The following PROCR variants were observed in gnomAD, a reference collection of about 807,000 sequenced individuals.
The protein encoded by PROCR is endothelial protein C receptor.
In PROCR, 22 loss-of-function variants were observed where a neutral mutation model predicts 24.2. The observed-to-expected ratio is 0.91, with a 90% CI of 0.65 to 1.30. The LOEUF (loss-of-function observed/expected upper bound fraction) is 1.30. Ranked by LOEUF, PROCR falls within the 50% of genes most tolerant of loss-of-function variation. The probability of loss-of-function intolerance (pLI) is 0.00; values close to 1 mark genes in which losing one functional copy is unlikely to be tolerated. For missense variants in PROCR, 288 were observed against 307.7 expected (o/e 0.94, Z 0.48); for synonymous variants, 137 against 139.2 (o/e 0.98, Z 0.11).
At chr20:35,213,410 G>T (rs6088769) in intron 1 of PROCR, among the ~76,000 whole-genome samples, 1 of 151,900 alleles carries the variant, frequency 6.6e-6, no homozygotes, top group Non-Finnish European at 1.5e-5. Context: ...TTGGGTCATA[G>T]GTCTTTTTCT....
chr20:35,171,971 G>C (rs2085954615), upstream of PROCR: 4 of 661,114 alleles, frequency 6.1e-6, no homozygotes, highest in Non-Finnish European at 1.1e-5. Context: ...TAGGAAATGA[G>C]ACACAGTAGA....
Position 35,172,111 on chromosome 20 carries a change from G to A in PROCR, c.-44G>A. The stretch of plus-strand genomic sequence containing the variant: ...TAGACTGCAGCCAGCGGAGCCCGCA[G>A]CCGGCCCGAGCCAGGAACCCAGGTC... On this transcript the variant is annotated 5_prime_UTR_variant, in exon 1 of 4. Coordinates refer to ENST00000216968, the MANE Select transcript of PROCR (RefSeq NM_006404.5). 1 of 1,601,230 alleles carries A rather than the reference G, an allele frequency of 6.2e-7. No individual in the cohort carries two copies. Among genetic ancestry groups the A allele is most frequent in the Non-Finnish European group, 8.6e-7 (1 of 1,168,378 alleles).
At chr20:35,194,217 G>A (rs1271874262) in intron 1 of PROCR, among the ~76,000 whole-genome samples, 4 of 152,172 alleles carry the variant, frequency 2.6e-5, no homozygotes, top group Admixed American at 1.3e-4. Flanking sequence ...ATTTGAGACA[G>A]TGACTATAAA....
intron 1 of PROCR, among the ~76,000 whole-genome samples, chr20:35,205,473 C>G (rs1051821528): frequency 1.4e-5 from 2 of 145,908 alleles, no homozygotes; most frequent in Non-Finnish European, 3.0e-5. Flanking sequence ...ATATATTGGC[C>G]GGGCGCAGTG....
At chr20:35,190,129 A>G (rs909322528) in intron 1 of PROCR, among the ~76,000 whole-genome samples, 6 of 152,100 alleles carry the variant, frequency 3.9e-5, no homozygotes, top group African/African-American at 1.2e-4. Context: ...CACACCCAGT[A>G]AAAAGAAACC....
At chr20:35,201,518 C>A (rs894744492) in intron 1 of PROCR, among the ~76,000 whole-genome samples, 1 of 151,898 alleles carries the variant, frequency 6.6e-6, no homozygotes, top group South Asian at 2.1e-4. Flanking sequence ...TGAAACCCCA[C>A]CTCTACTAAA....
chr20:35,176,183 G>T lies in PROCR; in HGVS notation c.338G>T (p.Arg113Leu), dbSNP rs778433715. The T allele has an allele frequency of 1.9e-6, 3 of 1,611,086 alleles. No individual in the cohort carries two copies. In the South Asian group the frequency reaches 3.3e-5, roughly 18 times the overall value. Residue 113 changes from arginine (R) to leucine (L), a missense_variant, in exon 3 of 4, where the codon CGC becomes CTC. Transcript: ENST00000216968. ...ERTLAFPLTI[R>L]CFLGCELPPE... Reference sequence around the variant, plus strand: ...CTATCCACAGTTCCTCTGACCATCCGCTGCTTCCTGGGCTGTGAGCTGCCT... The same window carrying T: ...CTATCCACAGTTCCTCTGACCATCCTCTGCTTCCTGGGCTGTGAGCTGCCT...
intron 1 of PROCR, among the ~76,000 whole-genome samples, chr20:35,204,163 GTTTGAC>G (rs2060328919): frequency 6.6e-6 from 1 of 152,114 alleles, no homozygotes; most frequent in Non-Finnish European, 1.5e-5. Context: ...ATGCTCATAA[GTTTGAC>G]AACTTAGAGG....
At chr20:35,197,939 G>A (rs940734313) in intron 1 of PROCR, among the ~76,000 whole-genome samples, 1 of 151,936 alleles carries the variant, frequency 6.6e-6, no homozygotes, top group Non-Finnish European at 1.5e-5. Flanking sequence ...CAAAAGCTAG[G>A]CCTCTTACAC....
chr20:35,200,791 C>T (rs2060315482), intron 1 of PROCR, among the ~76,000 whole-genome samples: 2 of 152,124 alleles, frequency 1.3e-5, no homozygotes, highest in Non-Finnish European at 2.9e-5. Context: ...GGATTACAGG[C>T]ATGTTGCCAC....
chr20:35,209,707 TG>T (rs1276882260), intron 1 of PROCR, among the ~76,000 whole-genome samples: 1 of 152,146 alleles, frequency 6.6e-6, no homozygotes, highest in East Asian at 1.9e-4. Flanking sequence ...AAAAGAAGAC[TG>T]GTCAACCATG....
At chr20:35,197,248 G>A (rs938487410) in intron 1 of PROCR, among the ~76,000 whole-genome samples, 2 of 152,130 alleles carry the variant, frequency 1.3e-5, no homozygotes, top group African/African-American at 4.8e-5. Flanking sequence ...GTGAGCCATC[G>A]AACTTAGCCC....
intron 1 of PROCR, among the ~76,000 whole-genome samples, chr20:35,182,573 T>G (rs933315672): frequency 2.6e-5 from 4 of 152,230 alleles, no homozygotes; most frequent in African/African-American, 7.2e-5. Flanking sequence ...GATTAGGATA[T>G]GATCCTTCTC....
At chr20:35,193,927 G>A (rs1360410292) in intron 1 of PROCR, among the ~76,000 whole-genome samples, 4 of 152,158 alleles carry the variant, frequency 2.6e-5, no homozygotes, top group Non-Finnish European at 5.9e-5. Flanking sequence ...CCCTGAGGAC[G>A]CCCCAACATT....
intron 1 of PROCR, among the ~76,000 whole-genome samples, chr20:35,194,931 A>G (rs183505346): frequency 4.2e-4 from 64 of 152,346 alleles, no homozygotes; most frequent in South Asian, 2.9e-3. Flanking sequence ...TACAATCCAA[A>G]ATTACTTAAT....
intron 1 of PROCR, among the ~76,000 whole-genome samples, chr20:35,214,677 A>G (rs903414317): frequency 1.3e-5 from 2 of 148,978 alleles, no homozygotes; most frequent in African/African-American, 5.0e-5. Context: ...CGACAGAGCG[A>G]AACTCCATCT....
chr20:35,213,484 G>C (rs1207111797), intron 1 of PROCR, among the ~76,000 whole-genome samples: 1 of 152,150 alleles, frequency 6.6e-6, no homozygotes, highest in African/African-American at 2.4e-5. Context: ...CTAGTTTATA[G>C]TTTGTTGCTT....
chr20:35,214,764 G>A (rs1385010832), intron 1 of PROCR, among the ~76,000 whole-genome samples: 2 of 151,968 alleles, frequency 1.3e-5, no homozygotes, highest in Non-Finnish European at 2.9e-5. Context: ...GCTTTTAAGG[G>A]AGAAACCTGA....
chr20:35,196,944 T>C (rs1290241581), intron 1 of PROCR, among the ~76,000 whole-genome samples: 1 of 152,102 alleles, frequency 6.6e-6, no homozygotes, highest in Non-Finnish European at 1.5e-5. Flanking sequence ...AGGGGGAAGG[T>C]AAAGGGACCC....
Sources: allele counts gnomAD v4.1 joint callset (sites outside exome capture counted in the v4.1 genomes callset), GRCh38; gene constraint gnomAD v4.1.1; transcripts MANE v1.5; gene names NCBI Gene and HGNC (gene_info 2026-07-23, HGNC 2026-07-21).